Variants in SPAG9 observed in about 807,000 individuals in gnomAD.
The protein encoded by SPAG9 is C-Jun-amino-terminal kinase-interacting protein 4.
SPAG9 carries 35 observed loss-of-function variants against 166.5 expected under a neutral mutation model. That is an observed-to-expected ratio of 0.21 (90% confidence interval 0.16 to 0.28). SPAG9 has a LOEUF of 0.28. SPAG9 is among the 10% of genes least tolerant of loss of function. The pLI, the probability that SPAG9 is intolerant of heterozygous loss-of-function variation, is 1.00. For synonymous variants in SPAG9, 534 were observed against 565.5 expected (o/e 0.94, Z 0.79); for missense variants, 1,235 against 1,603.3 (o/e 0.77, Z 3.92).
chr17:51,120,589 C>T lies in SPAG9; in HGVS notation c.68G>A (p.Arg23Gln), dbSNP rs983902161. The T allele has an allele frequency of 3.1e-6, 5 of 1,613,296 alleles. No homozygotes were observed. Among genetic ancestry groups the T allele is most frequent in the Non-Finnish European group, 4.2e-6 (5 of 1,179,706 alleles). The change falls in exon 1 of 30, where the codon CGG (arginine) becomes CAG (glutamine). Residue 23 changes from arginine to glutamine, a missense_variant. Around this residue, in one of 6 missense-constraint regions of SPAG9, gnomAD observed 83 missense variants for 149.8 expected, o/e 0.55. Coordinates refer to ENST00000262013, the MANE Select transcript of SPAG9 (RefSeq NM_001130528.3). This position sits in a 1 kb window ranked among gnomAD's most constrained non-coding sequence, Gnocchi z 4.7. ...GATGGAGCCGGCCAGGCCGGACACC[C>T]GCTCCGACATCACGGCCCCGGAGCC... The part of the protein sequence containing the change: ...PGGSGAVMSE[R>Q]VSGLAGSIYR...
intron 5 of SPAG9, among the ~76,000 whole-genome samples, chr17:51,036,932 C>T (rs78577862): frequency 0.024 from 3,705 of 152,218 alleles, 168 homozygotes; most frequent in East Asian, 0.19. Context: ...ATCTTAATAC[C>T]TGGTAGAGCA....
intron 10 of SPAG9, among the ~76,000 whole-genome samples, chr17:51,006,756 C>A (rs1384987142): frequency 6.6e-6 from 1 of 152,126 alleles, no homozygotes; most frequent in Non-Finnish European, 1.5e-5. Context: ...GACAAAGGAA[C>A]CCAGTCAGCT....
chr17:51,053,199 TTATAA>T lies in SPAG9; in HGVS notation c.495+3208_495+3212del, dbSNP rs1485080372. 1.9e-4 allele frequency among the ~76,000 whole-genome samples: 29 copies of T among 150,236 alleles called. No homozygotes were observed. In the East Asian group the frequency reaches 2.9e-3, roughly 15 times the overall value. On this transcript the variant is annotated intron_variant, in intron 3 of 29. Coordinates refer to ENST00000262013, the MANE Select transcript of SPAG9 (RefSeq NM_001130528.3). Reference sequence around the variant, plus strand: ...TATCAATTACTTCCCCCAAATATATTTATAATATATTTATAAAATTATAAATTATA... The same window carrying T: ...TATCAATTACTTCCCCCAAATATATTTATATTTATAAAATTATAAATTATA...
intron 5 of SPAG9, among the ~76,000 whole-genome samples, chr17:51,038,560 A>G (rs1293147462): frequency 6.6e-6 from 1 of 152,214 alleles, no homozygotes; most frequent in African/African-American, 2.4e-5. Flanking sequence ...ATGTTGGTGC[A>G]GTAGGTAGGA....
chr17:50,989,778 G>A lies in SPAG9; in HGVS notation c.2712C>T (p.Asp904=), dbSNP rs1170565312. ...ATEGNAGSAE[D]TVDISQTGVY... ...CGCCAGTTTGGGAGATGTCCACTGT[G>A]TCTTCAGCTGACCCCGCATTCCCTT... The change falls in exon 21 of 30, where the codon GAC becomes GAT. Residue 904 remains aspartate, a synonymous_variant. Coordinates refer to ENST00000262013, the MANE Select transcript of SPAG9 (RefSeq NM_001130528.3). 3.7e-6 allele frequency: 6 copies of A among 1,614,062 alleles called. No individual in the cohort carries two copies. The highest frequency in any genetic ancestry group is 1.7e-5 in the Admixed American group (1 of 60,014).
intron 21 of SPAG9, among the ~76,000 whole-genome samples, chr17:50,989,070 G>A (rs1163893111): frequency 1.3e-5 from 2 of 151,976 alleles, no homozygotes; most frequent in African/African-American, 4.8e-5. Context: ...ACAGATCAGA[G>A]GAGAAAATGA....
At chr17:51,021,931 T>C (rs979177564) in intron 6 of SPAG9, among the ~76,000 whole-genome samples, 6 of 152,036 alleles carry the variant, frequency 3.9e-5, no homozygotes, top group African/African-American at 1.5e-4. Context: ...GAGACCAGCC[T>C]GGCCAACATG....
chr17:50,971,581 C>T (rs1973821795), intron 28 of SPAG9, among the ~76,000 whole-genome samples: 1 of 149,862 alleles, frequency 6.7e-6, no homozygotes, highest in Admixed American at 6.7e-5. Flanking sequence ...GATTTACCTG[C>T]CTCAGCCTCC....
chr17:51,107,857 G>A (rs2048998754), intron 1 of SPAG9, among the ~76,000 whole-genome samples: 2 of 151,570 alleles, frequency 1.3e-5, no homozygotes, highest in Non-Finnish European at 2.9e-5. Context: ...TGAGGCTACA[G>A]TGAGCTCTGA....
Position 51,012,083 on chromosome 17 carries a change from T to C in SPAG9, c.1213+2149A>G, listed in dbSNP as rs552899654. 3.6e-3 allele frequency among the ~76,000 whole-genome samples: 549 copies of C among 152,338 alleles called. 3 individuals are homozygous for C. Among genetic ancestry groups the C allele is most frequent in the Non-Finnish European group, 6.0e-3 (406 of 68,032 alleles). On this transcript the variant is annotated intron_variant, in intron 9 of 29. Transcript: ENST00000262013. ...AAGGAATTTTGTGGGGTGATGTATA[T>C]TGATTCTGGTGAATTTTACTGCACT...
intron 2 of SPAG9, among the ~76,000 whole-genome samples, chr17:51,060,198 T>C (rs759628013): frequency 2.0e-5 from 3 of 151,884 alleles, no homozygotes; most frequent in South Asian, 2.1e-4. Flanking sequence ...ATTTGGGGGA[T>C]AGGGCCTTTA....
At chr17:51,057,765 A>G (rs887415183) in intron 2 of SPAG9, among the ~76,000 whole-genome samples, 3 of 152,228 alleles carry the variant, frequency 2.0e-5, no homozygotes, top group African/African-American at 7.2e-5. Flanking sequence ...GTACCCACGG[A>G]GCACATTTTA....
chr17:51,112,695 A>AC (rs2049152818), intron 1 of SPAG9, among the ~76,000 whole-genome samples: 1 of 148,616 alleles, frequency 6.7e-6, no homozygotes, highest in African/African-American at 2.5e-5. Context: ...AAAAAAAAAA[A>AC]AAAACTTTGG....
chr17:50,994,967 A>G, intron 18 of SPAG9, 90 bp downstream of exon 18: 1 of 904,802 alleles, frequency 1.1e-6, no homozygotes. Context: ...AGTAATCCCA[A>G]TTAGAAGCTG....
chr17:51,051,076 G>A (rs2047169908), intron 3 of SPAG9, among the ~76,000 whole-genome samples: 1 of 147,428 alleles, frequency 6.8e-6, no homozygotes, highest in Middle Eastern at 3.2e-3. Context: ...AGGGAGGGAG[G>A]GAAAAGAAAA....
intron 1 of SPAG9, among the ~76,000 whole-genome samples, chr17:51,119,033 C>CAAAAAAAAAAAAAAAAAAAAAAAAAAA (rs3079111): frequency 1.0e-5 from 1 of 96,262 alleles, no homozygotes. Flanking sequence ...GACTACGTCT[C>CAAAAAAAAAAAAAAAAAAAAAAAAAAA]AAAAAAAAAA....
chr17:51,014,613 C>T (rs1477473586), intron 8 of SPAG9: 4 of 331,422 alleles, frequency 1.2e-5, no homozygotes, highest in Admixed American at 9.2e-5. Context: ...AGCTCCTCTG[C>T]TCTATACCAG....
At chr17:51,027,750 G>A (rs1209530401) in intron 6 of SPAG9, among the ~76,000 whole-genome samples, 1 of 152,130 alleles carries the variant, frequency 6.6e-6, no homozygotes. Flanking sequence ...ACTTGATAAT[G>A]ATAAACAATT....
At position 51,120,376 on chromosome 17, in the gene SPAG9, G is replaced by C; in HGVS notation, c.281C>G (p.Ala94Gly). ...CACCTCCTCAGCGTGCTTGCGCAGC[G>C]CCTTCTCCCGCTCGTACTGGGTGAT... ...QLITQYEREK[A>G]LRKHAEEKFI... The change falls in exon 1 of 30, where the codon GCG becomes GGG. Residue 94 changes from alanine to glycine, a missense_variant. Ala to Gly is a moderately conservative substitution (Grantham distance 60, BLOSUM62 0). Around this residue, in one of 6 missense-constraint regions of SPAG9, gnomAD observed 83 missense variants for 149.8 expected, o/e 0.55. Transcript: ENST00000262013. The surrounding 1 kb of genome is among the most constrained non-coding windows in gnomAD (Gnocchi z 4.7). 6.2e-7 allele frequency: 1 copy of C among 1,602,604 alleles called. No homozygotes were observed. Among genetic ancestry groups the C allele is most frequent in the Non-Finnish European group, 8.5e-7 (1 of 1,175,524 alleles).
Sources: gnomAD v4.1 joint callset for allele counts (sites outside exome capture counted in the v4.1 genomes callset) on GRCh38, gnomAD v4.1.1 for gene constraint, gnomAD v4.1.1 regional missense constraint, Gnocchi (gnomAD v3.1) non-coding constraint, MANE v1.5 for transcripts, NCBI Gene and HGNC (gene_info 2026-07-23, HGNC 2026-07-21) for gene names.